NCOA1: variants seen among roughly 807,000 people sequenced by gnomAD.
The protein encoded by NCOA1 is Hin-2 protein.
A neutral mutation model predicts 150.9 loss-of-function variants in NCOA1; 35 were observed. The observed-to-expected ratio is 0.23, with a 90% CI of 0.18 to 0.31. The LOEUF is 0.31. Among genes scored for constraint, NCOA1 ranks in the 10% least tolerant of loss-of-function variants. The pLI is 1.00. For synonymous variants in NCOA1, 590 were observed against 630.0 expected (o/e 0.94, Z 0.95); for missense variants, 1,491 against 1,749.3 (o/e 0.85, Z 2.63).
rs1441435260 is a variant in NCOA1 at position 24,768,267 on chromosome 2, A to G, written c.4202A>G (p.Asn1401Ser). 6.2e-7 allele frequency: 1 copy of G among 1,613,786 alleles called. No homozygotes were observed. Among genetic ancestry groups the G allele is most frequent in the Admixed American group, 1.7e-5 (1 of 59,998 alleles). Residue 1401 changes from asparagine to serine, a missense_variant, in exon 23 of 23, where the codon AAT (asparagine) becomes AGT (serine). By Grantham distance (46) the Asn-to-Ser change is conservative (BLOSUM62 1). This residue lies in a region of NCOA1 where 46 missense variants were observed against 78.8 expected (regional missense o/e 0.58). Coordinates refer to ENST00000348332, the MANE Select transcript of NCOA1 (RefSeq NM_003743.5). ...TTTGCTGACGTCCAGTGTACAGTGA[A>G]TCTGGTAGGCGGGGACCCTTACCTG... ...QVFADVQCTV[N>S]LVGGDPYLNQ...
intron 3 of NCOA1, among the ~76,000 whole-genome samples, chr2:24,613,109 C>G (rs1170928029): frequency 6.6e-6 from 1 of 151,842 alleles, no homozygotes; most frequent in Admixed American, 6.6e-5. Flanking sequence ...CTTTCCATTC[C>G]CCAACTCCCT....
At chr2:24,636,057 C>G (rs200745180) in intron 3 of NCOA1, among the ~76,000 whole-genome samples, 2 of 151,914 alleles carry the variant, frequency 1.3e-5, no homozygotes, top group Admixed American at 1.3e-4. Flanking sequence ...AGCAAAAACC[C>G]AAAACAGACA....
At chr2:24,711,172 G>A (rs1003971602) in intron 14 of NCOA1, 61 bp downstream of exon 14, 6 of 1,494,264 alleles carry the variant, frequency 4.0e-6, no homozygotes, top group African/African-American at 1.4e-5. Flanking sequence ...TTAGCATTTT[G>A]TCTCTCACCA....
intron 14 of NCOA1, among the ~76,000 whole-genome samples, chr2:24,715,211 AAG>A (rs1673963201): frequency 1.3e-5 from 2 of 152,150 alleles, no homozygotes; most frequent in Non-Finnish European, 2.9e-5. Context: ...AGAAAATAAT[AAG>A]AGAGCCAGAT....
chr2:24,672,106 A>G (rs987629968), intron 6 of NCOA1, among the ~76,000 whole-genome samples: 9 of 148,104 alleles, frequency 6.1e-5, no homozygotes, highest in Non-Finnish European at 1.3e-4. Flanking sequence ...TGAAACAATA[A>G]CATTGTTTAT....
chr2:24,636,537 C>T (rs1025585010), intron 3 of NCOA1, among the ~76,000 whole-genome samples: 1 of 152,090 alleles, frequency 6.6e-6, no homozygotes, highest in African/African-American at 2.4e-5. Context: ...AAATTATTGA[C>T]ACAAAATTCA....
At position 24,711,120 on chromosome 2, in the gene NCOA1, T is replaced by A. The variant is rs765960659; in HGVS notation, c.2599+9T>A. On this transcript the variant is annotated intron_variant, in intron 14 of 22. Coordinates refer to ENST00000348332, the MANE Select transcript of NCOA1 (RefSeq NM_003743.5). The stretch of plus-strand genomic sequence containing the variant: ...CACTTCCAGGCTAAATAGTATGTTC[T>A]GGGGACAACACCTCATTTTAAACGT... 1.2e-6 allele frequency: 2 copies of A among 1,606,130 alleles called. No homozygotes were observed. Among genetic ancestry groups the A allele is most frequent in the South Asian group, 2.2e-5 (2 of 90,262 alleles).
At chr2:24,529,533 T>G (rs868809466) in intron 1 of NCOA1, among the ~76,000 whole-genome samples, 11 of 152,068 alleles carry the variant, frequency 7.2e-5, no homozygotes, top group Middle Eastern at 3.2e-3. Flanking sequence ...TATAAGGTAT[T>G]GCTGTGTTGC....
intron 1 of NCOA1, among the ~76,000 whole-genome samples, chr2:24,498,837 T>G (rs936756387): frequency 6.6e-6 from 1 of 152,136 alleles, no homozygotes; most frequent in Non-Finnish European, 1.5e-5. Context: ...TTGGCAGGTT[T>G]TATACCCCAA....
intron 7 of NCOA1, among the ~76,000 whole-genome samples, chr2:24,674,834 A>G (rs887367360): frequency 6.6e-6 from 1 of 152,146 alleles, no homozygotes; most frequent in Non-Finnish European, 1.5e-5. Context: ...ATCTGACTCT[A>G]ACCCTCCTGT....
At chr2:24,586,925 C>A (rs1274861507) in intron 3 of NCOA1, among the ~76,000 whole-genome samples, 1 of 152,126 alleles carries the variant, frequency 6.6e-6, no homozygotes, top group South Asian at 2.1e-4. Context: ...CACCCTCCCC[C>A]ACTGTTTTGC....
chr2:24,550,367 A>G (rs1665776074), intron 1 of NCOA1, among the ~76,000 whole-genome samples: 1 of 152,232 alleles, frequency 6.6e-6, no homozygotes, highest in Non-Finnish European at 1.5e-5. Context: ...AAGAGGTTTA[A>G]TGGACTTACA....
At chr2:24,505,853 G>C (rs998824362) in intron 1 of NCOA1, among the ~76,000 whole-genome samples, 3 of 152,156 alleles carry the variant, frequency 2.0e-5, no homozygotes, top group Non-Finnish European at 4.4e-5. Flanking sequence ...CATCCCATTG[G>C]AGTTGCTAAG....
intron 3 of NCOA1, among the ~76,000 whole-genome samples, chr2:24,589,499 A>T (rs774751390): frequency 7.9e-5 from 12 of 152,200 alleles, no homozygotes; most frequent in Non-Finnish European, 1.5e-4. Context: ...TCCATGGCAC[A>T]TGAGAAATAA....
intron 4 of NCOA1, 72 bp from the exon 5 acceptor site, chr2:24,658,589 G>A (rs1671046900): frequency 9.2e-7 from 1 of 1,089,046 alleles, no homozygotes; most frequent in East Asian, 2.4e-5. Context: ...CTAACAGAGG[G>A]GAGCTTCCCT....
intron 3 of NCOA1, among the ~76,000 whole-genome samples, chr2:24,632,262 C>T (rs77698272): frequency 6.6e-6 from 1 of 152,142 alleles, no homozygotes; most frequent in Non-Finnish European, 1.5e-5. Flanking sequence ...GGGAAGAAAG[C>T]TGATGACCAG....
At chr2:24,516,820 GCTTT>G (rs1486228364) in intron 1 of NCOA1, among the ~76,000 whole-genome samples, 2 of 68,104 alleles carry the variant, frequency 2.9e-5, no homozygotes, top group African/African-American at 8.3e-5. Flanking sequence ...TTTCTATCCA[GCTTT>G]CTTTTTTTTT....
At chr2:24,585,320 G>A (rs1159757737) in intron 3 of NCOA1, among the ~76,000 whole-genome samples, 1 of 151,946 alleles carries the variant, frequency 6.6e-6, no homozygotes, top group Non-Finnish European at 1.5e-5. Flanking sequence ...GTCATGTTTT[G>A]TGCAAATACA....
intron 13 of NCOA1, among the ~76,000 whole-genome samples, chr2:24,708,591 A>G (rs1673578049): frequency 6.6e-6 from 1 of 152,176 alleles, no homozygotes; most frequent in Admixed American, 6.5e-5. Context: ...GAAGGAATAT[A>G]GTTTAAAAAA....
Sources: allele counts gnomAD v4.1 joint callset (sites outside exome capture counted in the v4.1 genomes callset), GRCh38; gene constraint gnomAD v4.1.1; regional missense constraint gnomAD v4.1.1; transcripts MANE v1.5; gene names NCBI Gene and HGNC (gene_info 2026-07-23, HGNC 2026-07-21).